SCAPER: variants seen among roughly 807,000 people sequenced by gnomAD.
SCAPER encodes S-phase cyclin A associated protein in the ER, also known as S phase cyclin A-associated protein in the endoplasmic reticulum.
SCAPER carries 98 observed loss-of-function variants against 182.2 expected under a neutral mutation model. That is an observed-to-expected ratio of 0.54 (90% CI 0.46 to 0.64). The LOEUF is 0.64. Ranked by LOEUF, SCAPER falls within the 30% of genes least tolerant of loss-of-function variation. The pLI is 0.00. For missense variants in SCAPER, 1,432 were observed against 1,690.0 expected (o/e 0.85, Z 2.68); for synonymous variants, 605 against 564.6 (o/e 1.07, Z -1.01).
intron 22 of SCAPER, among the ~76,000 whole-genome samples, chr15:76,613,650 T>TG (rs1159170867): frequency 6.6e-6 from 1 of 152,056 alleles, no homozygotes; most frequent in Admixed American, 6.6e-5. Context: ...AAAAATCATA[T>TG]GAAAAAAAGT....
At chr15:76,844,428 T>C (rs538448073) in intron 4 of SCAPER, among the ~76,000 whole-genome samples, 2 of 152,124 alleles carry the variant, frequency 1.3e-5, no homozygotes, top group African/African-American at 4.8e-5. Context: ...ATTCAACATA[T>C]ATTTTCTTCA....
chr15:76,679,120 G>A (rs528402080), intron 20 of SCAPER, among the ~76,000 whole-genome samples: 1 of 152,256 alleles, frequency 6.6e-6, no homozygotes, highest in Admixed American at 6.5e-5. Context: ...TCCACAGACA[G>A]TATTCAAACA....
rs761782175 is a variant in SCAPER, at chr15:76,701,794, G to A, written c.2472C>T (p.Thr824=). ...RKHQQAVREN[T]SIQGRELSDE... Reference sequence around the variant, plus strand: ...CTGACAGTTCACGCCCCTGGATGCTGGTATTCTCTCTCACGGCTTGCTGGT... The same window carrying A: ...CTGACAGTTCACGCCCCTGGATGCTAGTATTCTCTCTCACGGCTTGCTGGT... The change falls in exon 20 of 32, where the codon ACC becomes ACT. Residue 824 remains threonine, a synonymous_variant. Transcript: ENST00000563290. 6.2e-7 allele frequency: 1 copy of A among 1,613,748 alleles called. No individual in the cohort carries two copies. Among genetic ancestry groups the A allele is most frequent in the South Asian group, 1.1e-5 (1 of 91,072 alleles).
At chr15:76,609,445 C>A (rs1171187552) in intron 22 of SCAPER, among the ~76,000 whole-genome samples, 2 of 152,006 alleles carry the variant, frequency 1.3e-5, no homozygotes, top group Non-Finnish European at 2.9e-5. Flanking sequence ...TATGATCATG[C>A]CACTGCACTT....
At chr15:76,768,149 C>A (rs1192409656) in intron 10 of SCAPER, among the ~76,000 whole-genome samples, 2 of 152,052 alleles carry the variant, frequency 1.3e-5, no homozygotes, top group Non-Finnish European at 1.5e-5. Context: ...CTGACAGTTG[C>A]TCAAATGGTT....
At chr15:76,627,089 T>C (rs1053731410) in intron 21 of SCAPER, among the ~76,000 whole-genome samples, 7 of 152,190 alleles carry the variant, frequency 4.6e-5, no homozygotes, top group Non-Finnish European at 8.8e-5. Flanking sequence ...TTCATTGGTG[T>C]AGTGTTGTAC....
chr15:76,689,402 A>T (rs1179064315), intron 20 of SCAPER, among the ~76,000 whole-genome samples: 2 of 152,120 alleles, frequency 1.3e-5, no homozygotes, highest in African/African-American at 4.8e-5. Context: ...GAAAACAGAA[A>T]ACAGATTTTA....
intron 21 of SCAPER, among the ~76,000 whole-genome samples, chr15:76,660,993 C>T (rs1343702064): frequency 6.6e-6 from 1 of 151,868 alleles, no homozygotes; most frequent in Non-Finnish European, 1.5e-5. Context: ...CACTTATACA[C>T]TAAAAATCAC....
chr15:76,453,204 G>A (rs139425763), intron 25 of SCAPER, among the ~76,000 whole-genome samples: 33 of 152,274 alleles, frequency 2.2e-4, no homozygotes, highest in South Asian at 1.2e-3. Context: ...ATACTTTTGT[G>A]TATTTCCAAT....
chr15:76,615,108 A>T (rs2051330440), intron 22 of SCAPER, among the ~76,000 whole-genome samples: 1 of 152,196 alleles, frequency 6.6e-6, no homozygotes, highest in Non-Finnish European at 1.5e-5. Context: ...TAAGTAGATC[A>T]GTAATCAAAA....
chr15:76,628,934 T>C (rs1597797405), intron 21 of SCAPER, among the ~76,000 whole-genome samples: 1 of 152,194 alleles, frequency 6.6e-6, no homozygotes, highest in Non-Finnish European at 1.5e-5. Flanking sequence ...TGTTTGTGTC[T>C]GCTCTGATTT....
At chr15:76,532,303 C>T (rs1433551600) in intron 23 of SCAPER, among the ~76,000 whole-genome samples, 1 of 151,988 alleles carries the variant, frequency 6.6e-6, no homozygotes, top group Non-Finnish European at 1.5e-5. Flanking sequence ...ATTCAAACTC[C>T]TTTAACATTA....
intron 23 of SCAPER, among the ~76,000 whole-genome samples, chr15:76,506,977 C>T (rs1038892042): frequency 6.6e-6 from 1 of 152,042 alleles, no homozygotes; most frequent in African/African-American, 2.4e-5. Flanking sequence ...TAATTCTATG[C>T]TACACTGTAT....
intron 23 of SCAPER, among the ~76,000 whole-genome samples, chr15:76,526,787 C>T (rs2043230525): frequency 6.6e-6 from 1 of 151,798 alleles, no homozygotes; most frequent in African/African-American, 2.4e-5. Context: ...TTTTTTCATA[C>T]TTACCTGTTG....
At chr15:76,633,329 A>C (rs2096158473) in intron 21 of SCAPER, among the ~76,000 whole-genome samples, 2 of 152,104 alleles carry the variant, frequency 1.3e-5, no homozygotes, top group Admixed American at 6.5e-5. Context: ...AGGGGCACCA[A>C]CCTGATGCCA....
At chr15:76,392,460 G>A (rs2043763872) in intron 27 of SCAPER, among the ~76,000 whole-genome samples, 1 of 152,164 alleles carries the variant, frequency 6.6e-6, no homozygotes, top group Non-Finnish European at 1.5e-5. Context: ...CCAGGGCTAG[G>A]CATGGTGGCT....
At chr15:76,533,762 C>T (rs560785725) in intron 23 of SCAPER, among the ~76,000 whole-genome samples, 16 of 151,934 alleles carry the variant, frequency 1.1e-4, no homozygotes, top group Non-Finnish European at 2.4e-4. Context: ...GTTGACATGA[C>T]CACTGTGCAA....
At chr15:76,568,408 T>C (rs1249301660) in intron 23 of SCAPER, among the ~76,000 whole-genome samples, 1 of 151,936 alleles carries the variant, frequency 6.6e-6, no homozygotes, top group South Asian at 2.1e-4. Context: ...CAGGCTGGAG[T>C]GCAGTGGCGC....
chr15:76,718,665 A>T (rs1485552265), intron 17 of SCAPER, among the ~76,000 whole-genome samples: 1 of 151,898 alleles, frequency 6.6e-6, no homozygotes, highest in East Asian at 1.9e-4. Context: ...AAACAAAAAC[A>T]AAAAACAAGA....
Sources: allele counts gnomAD v4.1 joint callset (sites outside exome capture counted in the v4.1 genomes callset), GRCh38; gene constraint gnomAD v4.1.1; transcripts MANE v1.5; gene names NCBI Gene and HGNC (gene_info 2026-07-23, HGNC 2026-07-21).